Variants in GRID1 observed in about 807,000 individuals in gnomAD.
GRID1 encodes glutamate ionotropic receptor delta type subunit 1.
A neutral mutation model predicts 98.0 loss-of-function variants in GRID1; 28 were observed. The ratio of observed to expected loss-of-function variants is 0.29; its 90% CI spans 0.21 to 0.39. The LOEUF (loss-of-function observed/expected upper bound fraction) is 0.39, where lower values mean the gene tolerates loss of function less well. GRID1 is among the 10% of genes least tolerant of loss of function. The pLI is 1.00. For missense variants in GRID1, 1,111 were observed against 1,340.5 expected, an observed-to-expected ratio of 0.83 and a Z score of 2.67; for synonymous variants, 553 against 538.5, an observed-to-expected ratio of 1.03 and a Z score of -0.37.
chr10:86,207,499 T>C (rs1244859374), intron 2 of GRID1, among the ~76,000 whole-genome samples: 1 of 152,180 alleles, frequency 6.6e-6, no homozygotes, highest in Non-Finnish European at 1.5e-5. Context: ...GTACACTTTT[T>C]TGGGACATCA....
At chr10:86,213,633 T>TC (rs1168902842) in intron 2 of GRID1, among the ~76,000 whole-genome samples, 5 of 152,108 alleles carry the variant, frequency 3.3e-5, no homozygotes, top group African/African-American at 1.2e-4. Flanking sequence ...TATGGAATCA[T>TC]CAACATTCCT....
At chr10:85,666,054 T>C (rs1320316680) in intron 12 of GRID1, among the ~76,000 whole-genome samples, 1 of 152,182 alleles carries the variant, frequency 6.6e-6, no homozygotes, top group African/African-American at 2.4e-5. Flanking sequence ...AGCAAATATG[T>C]GATTTTTCTA....
chr10:85,868,913 T>C (rs1843248426), intron 6 of GRID1, 97 bp downstream of exon 6: 1 of 942,372 alleles, frequency 1.1e-6, no homozygotes, highest in Non-Finnish European at 1.7e-6. Flanking sequence ...GTAATTGAAG[T>C]TGGTGGCAAT....
At chr10:86,295,553 G>A (rs953140343) in intron 2 of GRID1, among the ~76,000 whole-genome samples, 3 of 152,230 alleles carry the variant, frequency 2.0e-5, no homozygotes, top group Admixed American at 2.0e-4. Flanking sequence ...TGGCCAGCAT[G>A]GAGGAGAGAG....
chr10:86,197,392 T>C (rs951598778), intron 3 of GRID1, among the ~76,000 whole-genome samples: 4 of 152,076 alleles, frequency 2.6e-5, no homozygotes, highest in Non-Finnish European at 4.4e-5. Context: ...GGAGGTCCCA[T>C]CTGGACTAGT....
chr10:86,016,901 G>A (rs942726072), intron 4 of GRID1, among the ~76,000 whole-genome samples: 1 of 152,200 alleles, frequency 6.6e-6, no homozygotes, highest in Non-Finnish European at 1.5e-5. Context: ...TCCACAGAAT[G>A]AGGGTGCTCT....
At chr10:85,939,607 G>A (rs1841972106) in intron 4 of GRID1, among the ~76,000 whole-genome samples, 1 of 152,008 alleles carries the variant, frequency 6.6e-6, no homozygotes, top group Non-Finnish European at 1.5e-5. Context: ...CTGACTCTTT[G>A]TCTCCCTCTC....
intron 4 of GRID1, among the ~76,000 whole-genome samples, chr10:86,036,078 T>C (rs1589346021): frequency 6.6e-6 from 1 of 152,242 alleles, no homozygotes; most frequent in Admixed American, 6.5e-5. Context: ...GCCTGGTATA[T>C]GGAGAAGGAA....
At chr10:85,906,379 C>A (rs564560523) in intron 5 of GRID1, among the ~76,000 whole-genome samples, 1 of 152,026 alleles carries the variant, frequency 6.6e-6, no homozygotes, top group African/African-American at 2.4e-5. Context: ...ATACAGAAGG[C>A]GCAATCAACA....
intron 15 of GRID1, chr10:85,606,668 A>C (rs955809390): frequency 1.3e-5 from 2 of 152,074 alleles, no homozygotes; most frequent in African/African-American, 4.8e-5. Flanking sequence ...TGCTTGTATT[A>C]CCTGGGGTCA....
intron 4 of GRID1, among the ~76,000 whole-genome samples, chr10:86,030,757 T>G (rs188897719): frequency 2.0e-5 from 3 of 152,324 alleles, no homozygotes; most frequent in Admixed American, 6.5e-5. Context: ...AGTAAGGCTT[T>G]CCTTTTGAAT....
At chr10:86,298,404 T>C (rs1847625802) in intron 2 of GRID1, among the ~76,000 whole-genome samples, 1 of 152,212 alleles carries the variant, frequency 6.6e-6, no homozygotes, top group Non-Finnish European at 1.5e-5. Flanking sequence ...TGTAATAGCA[T>C]TTTTGTGTAT....
chr10:85,607,963 A>T (rs1441965897), intron 15 of GRID1, among the ~76,000 whole-genome samples: 1 of 152,000 alleles, frequency 6.6e-6, no homozygotes, highest in Non-Finnish European at 1.5e-5. Context: ...GACTACAGTC[A>T]CATACCATCT....
At chr10:86,069,564 C>T (rs376971905) in intron 4 of GRID1, among the ~76,000 whole-genome samples, 13 of 152,210 alleles carry the variant, frequency 8.5e-5, no homozygotes, top group African/African-American at 3.1e-4. Flanking sequence ...AGGAGAATGG[C>T]GTGAACCCGG....
chr10:85,884,244 T>A (rs1841080118), intron 5 of GRID1, among the ~76,000 whole-genome samples: 1 of 152,176 alleles, frequency 6.6e-6, no homozygotes, highest in Admixed American at 6.5e-5. Context: ...CTAATTATTC[T>A]TCCATGAAGA....
chr10:86,171,193 G>C (rs1010890412), intron 3 of GRID1, among the ~76,000 whole-genome samples: 2 of 152,248 alleles, frequency 1.3e-5, no homozygotes, highest in South Asian at 4.1e-4. Flanking sequence ...CTTTGGACCT[G>C]CCAGGGCAGC....
intron 4 of GRID1, among the ~76,000 whole-genome samples, chr10:86,117,946 C>G (rs1219511788): frequency 6.6e-6 from 1 of 152,228 alleles, no homozygotes; most frequent in Non-Finnish European, 1.5e-5. Flanking sequence ...AGCAATCCCA[C>G]TACTAAGTAT....
chr10:85,969,439 T>C (rs543293173), intron 4 of GRID1, among the ~76,000 whole-genome samples: 11 of 152,244 alleles, frequency 7.2e-5, no homozygotes, highest in Admixed American at 2.0e-4. Flanking sequence ...CTATGTGCTA[T>C]GCCCTAAAAC....
At chr10:85,730,065 C>G (rs61858669) in intron 8 of GRID1, among the ~76,000 whole-genome samples, 1 of 152,230 alleles carries the variant, frequency 6.6e-6, no homozygotes, top group Non-Finnish European at 1.5e-5. Flanking sequence ...AGCAAACACT[C>G]AAGTGTACAG....
Sources: allele counts gnomAD v4.1 joint callset (sites outside exome capture counted in the v4.1 genomes callset), GRCh38; gene constraint gnomAD v4.1.1; transcripts MANE v1.5; gene names NCBI Gene and HGNC (gene_info 2026-07-23, HGNC 2026-07-21).